Variants in PTPRM observed in about 807,000 individuals in gnomAD.
PTPRM encodes the protein protein tyrosine phosphatase receptor type M, also known as receptor-type tyrosine-protein phosphatase mu.
PTPRM carries 47 observed loss-of-function variants against 186.7 expected under a neutral mutation model. The ratio of observed to expected loss-of-function variants is 0.25; its 90% CI spans 0.20 to 0.32. The LOEUF (loss-of-function observed/expected upper bound fraction) is 0.32. Among genes scored for constraint, PTPRM ranks in the 10% least tolerant of loss-of-function variants. PTPRM has a pLI of 1.00. For synonymous variants in PTPRM, 668 were observed against 674.9 expected (o/e 0.99, Z 0.16); for missense variants, 1,494 against 1,865.0 (o/e 0.80, Z 3.66).
chr18:7,667,647 G>C (rs1448428734), intron 1 of PTPRM, among the ~76,000 whole-genome samples: 5 of 152,190 alleles, frequency 3.3e-5, no homozygotes, highest in Non-Finnish European at 7.4e-5. Context: ...ATTTCAGAAA[G>C]AGGATCTTTA....
intron 1 of PTPRM, among the ~76,000 whole-genome samples, chr18:7,674,527 A>G (rs1288084599): frequency 1.3e-5 from 2 of 152,146 alleles, no homozygotes; most frequent in African/African-American, 2.4e-5. Flanking sequence ...GCACTCTTTC[A>G]TGGAGAAGGA....
At chr18:7,826,056 C>A (rs2045467434) in intron 2 of PTPRM, among the ~76,000 whole-genome samples, 1 of 152,096 alleles carries the variant, frequency 6.6e-6, no homozygotes, top group African/African-American at 2.4e-5. Context: ...TGGATGGCAT[C>A]CCCGTCAACC....
intron 1 of PTPRM, among the ~76,000 whole-genome samples, chr18:7,633,345 C>T (rs1478923879): frequency 6.6e-6 from 1 of 152,176 alleles, no homozygotes; most frequent in Non-Finnish European, 1.5e-5. Context: ...TAGGAGGAGT[C>T]ACCATGTTTT....
chr18:8,380,416 G>T lies in PTPRM; in HGVS notation c.3907G>T (p.Asp1303Tyr). The T allele has an allele frequency of 6.2e-7, 1 of 1,614,152 alleles. No individual in the cohort carries two copies. The highest frequency in any genetic ancestry group is 8.5e-7 in the Non-Finnish European group (1 of 1,180,030). The change falls in exon 29 of 33, where the codon GAT becomes TAT. Residue 1303 changes from aspartate (D) to tyrosine (Y), a missense_variant. This residue lies in a region of PTPRM where 1,107 missense variants were observed against 1,350.2 expected (regional missense o/e 0.82). Coordinates refer to ENST00000580170, the MANE Select transcript of PTPRM (RefSeq NM_001105244.2). ...ATCCGTAGTTATGCTAAATGATGTG[G>T]ATCCTGCCCAGGTGAGACCCGGACT... ...CTSVVMLNDV[D>Y]PAQLCPQYWP...
At chr18:7,984,237 G>T (rs1436322126) in intron 7 of PTPRM, among the ~76,000 whole-genome samples, 2 of 151,938 alleles carry the variant, frequency 1.3e-5, no homozygotes, top group Non-Finnish European at 2.9e-5. Flanking sequence ...AGTTTATAAG[G>T]TACCACCACA....
chr18:8,334,442 G>C (rs991959633), intron 22 of PTPRM, among the ~76,000 whole-genome samples: 4 of 152,148 alleles, frequency 2.6e-5, no homozygotes, highest in African/African-American at 9.7e-5. Flanking sequence ...GGCCGGCTTA[G>C]GGCCTGCCCC....
chr18:7,736,342 T>A (rs557709117), intron 1 of PTPRM, among the ~76,000 whole-genome samples: 2 of 152,238 alleles, frequency 1.3e-5, no homozygotes, highest in East Asian at 3.9e-4. Flanking sequence ...TTTTTTGAGA[T>A]GGAGTCTTGC....
intron 2 of PTPRM, chr18:7,815,693 A>G (rs756160649): frequency 6.6e-6 from 1 of 152,114 alleles, no homozygotes; most frequent in Non-Finnish European, 1.5e-5. Flanking sequence ...TAATATATAG[A>G]TGCCCTGTCT....
intron 2 of PTPRM, among the ~76,000 whole-genome samples, chr18:7,883,286 T>C (rs1252135042): frequency 6.6e-6 from 1 of 152,198 alleles, no homozygotes; most frequent in Admixed American, 6.5e-5. Flanking sequence ...AATTACTCTT[T>C]GAAAATGCAT....
chr18:7,821,154 C>T (rs16952559), intron 2 of PTPRM, among the ~76,000 whole-genome samples: 10,795 of 152,232 alleles, frequency 0.071, 551 homozygotes, highest in South Asian at 0.2. Context: ...AGCCCCAGGA[C>T]GTTGTTCTGG....
intron 1 of PTPRM, among the ~76,000 whole-genome samples, chr18:7,602,343 G>T (rs185245161): frequency 6.6e-6 from 1 of 152,246 alleles, no homozygotes; most frequent in African/African-American, 2.4e-5. Flanking sequence ...ATTAAAAGAA[G>T]ACCAGTGAGA....
At chr18:7,773,776 C>A (rs984066418) in intron 1 of PTPRM, among the ~76,000 whole-genome samples, 28 of 152,038 alleles carry the variant, frequency 1.8e-4, no homozygotes, top group Admixed American at 1.4e-3. Context: ...GATAGGGTTT[C>A]ACCATGTTGG....
chr18:7,772,363 CTT>C (rs751266536), intron 1 of PTPRM, among the ~76,000 whole-genome samples: 2 of 62,992 alleles, frequency 3.2e-5, no homozygotes, highest in Non-Finnish European at 6.8e-5. Flanking sequence ...TTCTTTCTTT[CTT>C]TCTTTCTTTC....
At chr18:8,192,898 A>C (rs1391625327) in intron 14 of PTPRM, among the ~76,000 whole-genome samples, 1 of 152,192 alleles carries the variant, frequency 6.6e-6, no homozygotes, top group African/African-American at 2.4e-5. Flanking sequence ...TCTAGTAGTC[A>C]ACACCTTGCT....
intron 10 of PTPRM, among the ~76,000 whole-genome samples, chr18:8,087,450 C>CA (rs1754016025): frequency 6.6e-6 from 1 of 152,100 alleles, no homozygotes; most frequent in Non-Finnish European, 1.5e-5. Context: ...CCTCAGGAAA[C>CA]ACAATCATGG....
chr18:8,079,070 A>G (rs1380256137), intron 9 of PTPRM, among the ~76,000 whole-genome samples: 1 of 152,056 alleles, frequency 6.6e-6, no homozygotes, highest in Non-Finnish European at 1.5e-5. Context: ...TATGAAAGAT[A>G]CACAAAAGCA....
At chr18:8,392,638 A>AC (rs1408656709) in intron 31 of PTPRM, among the ~76,000 whole-genome samples, 8 of 151,894 alleles carry the variant, frequency 5.3e-5, no homozygotes, top group Admixed American at 6.6e-5. Context: ...AAAAAAAAAA[A>AC]GGTCCCTTAT....
intron 11 of PTPRM, among the ~76,000 whole-genome samples, chr18:8,101,601 A>G (rs1440554408): frequency 1.3e-5 from 2 of 152,380 alleles, no homozygotes; most frequent in East Asian, 1.9e-4. Flanking sequence ...ATAATTTATC[A>G]TGATTCAGAG....
rs555444582 is a variant in PTPRM, at chr18:8,389,574, C to G, written c.4208+2339C>G. Among the ~76,000 whole-genome samples, 13 of 152,326 alleles carry G rather than the reference C, an allele frequency of 8.5e-5. No individual in the cohort carries two copies. In the South Asian group the frequency reaches 2.7e-3, roughly 32 times the overall value. On this transcript the variant is annotated intron_variant, in intron 31 of 32. Transcript: ENST00000580170. Reference sequence around the variant, plus strand: ...CTTGATTATTCTTTGGAATACTCCCCCCTCCCTAAAGCCCCGCCTCTGTTC... The same window carrying G: ...CTTGATTATTCTTTGGAATACTCCCGCCTCCCTAAAGCCCCGCCTCTGTTC...
Sources: allele counts gnomAD v4.1 joint callset (sites outside exome capture counted in the v4.1 genomes callset), GRCh38; gene constraint gnomAD v4.1.1; regional missense constraint gnomAD v4.1.1; transcripts MANE v1.5; gene names NCBI Gene and HGNC (gene_info 2026-07-23, HGNC 2026-07-21).